The following NRG2 variants were observed in gnomAD, a reference collection of about 807,000 sequenced individuals.
NRG2 encodes neuregulin 2.
NRG2 carries 27 observed loss-of-function variants against 73.9 expected under a neutral mutation model. The observed-to-expected ratio is 0.37, with a 90% confidence interval of 0.27 to 0.50. The LOEUF (loss-of-function observed/expected upper bound fraction) is 0.50. Among genes scored for constraint, NRG2 ranks in the 20% least tolerant of loss-of-function variants. The pLI is 0.96. For missense variants in NRG2, 1,126 were observed against 1,210.1 expected (o/e 0.93, Z 1.03); for synonymous variants, 532 against 541.0 (o/e 0.98, Z 0.23).
chr5:139,934,365 T>C (rs1752693279), intron 1 of NRG2, among the ~76,000 whole-genome samples: 1 of 151,816 alleles, frequency 6.6e-6, no homozygotes, highest in African/African-American at 2.4e-5. Flanking sequence ...GACTAAGCAA[T>C]GGGAAATGGA....
intron 1 of NRG2, among the ~76,000 whole-genome samples, chr5:140,031,056 T>G (rs189733977): frequency 6.6e-6 from 1 of 152,160 alleles, no homozygotes; most frequent in Admixed American, 6.6e-5. Flanking sequence ...CTGGATTTGG[T>G]CCCACCCTCA....
chr5:139,966,413 G>C (rs1755521148), intron 1 of NRG2, among the ~76,000 whole-genome samples: 1 of 152,152 alleles, frequency 6.6e-6, no homozygotes, highest in South Asian at 2.1e-4. Flanking sequence ...CTTTGGTAAG[G>C]AAGGGATATT....
chr5:139,938,552 G>A (rs1344654192), intron 1 of NRG2, among the ~76,000 whole-genome samples: 1 of 151,834 alleles, frequency 6.6e-6, no homozygotes, highest in African/African-American at 2.4e-5. Context: ...TTTTGGTAGA[G>A]ATGAAGTCTC....
At chr5:139,934,764 G>A (rs1752719469) in intron 1 of NRG2, among the ~76,000 whole-genome samples, 1 of 152,176 alleles carries the variant, frequency 6.6e-6, no homozygotes, top group African/African-American at 2.4e-5. Context: ...CCAAAAGAAG[G>A]CTTAAGTGAC....
intron 1 of NRG2, among the ~76,000 whole-genome samples, chr5:139,920,360 G>A (rs17118536): frequency 8.5e-5 from 13 of 152,134 alleles, no homozygotes; most frequent in South Asian, 4.2e-4. Flanking sequence ...GCAGTATGTC[G>A]CCCAAATAAG....
At chr5:139,861,726 C>T (rs539633619) in intron 5 of NRG2, 2 of 516,820 alleles carry the variant, frequency 3.9e-6, no homozygotes, top group East Asian at 5.5e-5. Flanking sequence ...GCTGGTCAGG[C>T]GTGCTGAGTA....
intron 1 of NRG2, among the ~76,000 whole-genome samples, chr5:139,890,235 C>A (rs951178443): frequency 9.9e-5 from 15 of 152,164 alleles, no homozygotes; most frequent in Non-Finnish European, 2.1e-4. Flanking sequence ...ACTGATGAGG[C>A]TGAACATTTT....
In NRG2 at chr5:139,915,415, C is replaced by T. The variant is rs892510912; in HGVS notation, c.701-27904G>A. ...GTTTCCAGCCTCTGTAAGGAAGTGG[C>T]GCCAGCTAAGCTGCCAAGACTTGAC... On this transcript the variant is annotated intron_variant, in intron 1 of 9. Transcript: ENST00000361474. The surrounding 1 kb of genome is among the most constrained non-coding windows in gnomAD (Gnocchi z 4.0). Among the ~76,000 whole-genome samples the T allele has an allele frequency of 3.9e-5, 6 of 152,136 alleles. No homozygotes were observed. The highest frequency in any genetic ancestry group is 1.2e-4 in the African/African-American group (5 of 41,418).
At chr5:139,972,248 C>T (rs1756027933) in intron 1 of NRG2, among the ~76,000 whole-genome samples, 1 of 152,016 alleles carries the variant, frequency 6.6e-6, no homozygotes, top group Non-Finnish European at 1.5e-5. Context: ...GCCTATAATA[C>T]ACAAAAATAA....
chr5:139,907,900 C>T (rs1045855520), intron 1 of NRG2, among the ~76,000 whole-genome samples: 6 of 152,246 alleles, frequency 3.9e-5, no homozygotes, highest in East Asian at 1.9e-4. Flanking sequence ...CAAATACACA[C>T]GGAAAACACT....
At chr5:139,861,898 G>T in intron 5 of NRG2, 2 of 442,684 alleles carry the variant, frequency 4.5e-6, no homozygotes, top group Non-Finnish European at 9.1e-6. Flanking sequence ...ACAACACCTG[G>T]GACGCAAAGA....
At chr5:140,010,923 C>T (rs1759314594) in intron 1 of NRG2, among the ~76,000 whole-genome samples, 1 of 152,234 alleles carries the variant, frequency 6.6e-6, no homozygotes, top group Non-Finnish European at 1.5e-5. Flanking sequence ...CTTCATAAGG[C>T]CTACTGCCTT....
chr5:140,035,380 T>G (rs1442897205), intron 1 of NRG2, among the ~76,000 whole-genome samples: 42 of 152,338 alleles, frequency 2.8e-4, no homozygotes. Context: ...TATTTTACAG[T>G]GTTTATCATA....
intron 1 of NRG2, among the ~76,000 whole-genome samples, chr5:139,955,880 G>A (rs1045477650): frequency 5.3e-5 from 8 of 152,106 alleles, no homozygotes; most frequent in African/African-American, 1.7e-4. Context: ...CAGCCCCATG[G>A]AGCCTGAGAT....
chr5:140,038,362 GAA>G (rs375356436), intron 1 of NRG2, among the ~76,000 whole-genome samples: 1 of 149,838 alleles, frequency 6.7e-6, no homozygotes, highest in Non-Finnish European at 1.5e-5. Context: ...CCTTCCAAAA[GAA>G]AAAAAAATAA....
chr5:139,913,039 G>A (rs1481703291), intron 1 of NRG2, among the ~76,000 whole-genome samples: 2 of 152,110 alleles, frequency 1.3e-5, no homozygotes, highest in Non-Finnish European at 2.9e-5. Flanking sequence ...TGGTTCTCTG[G>A]AAACCTCTAC....
intron 1 of NRG2, among the ~76,000 whole-genome samples, chr5:140,040,897 C>T (rs930072566): frequency 5.3e-5 from 8 of 152,086 alleles, no homozygotes; most frequent in Non-Finnish European, 1.0e-4. Flanking sequence ...AATGTCAGAG[C>T]GATAAACTGC....
chr5:139,897,363 G>T (rs1764612425), intron 1 of NRG2, among the ~76,000 whole-genome samples: 1 of 152,202 alleles, frequency 6.6e-6, no homozygotes, highest in South Asian at 2.1e-4. Flanking sequence ...AACAGAGATA[G>T]CTTAATAACC....
intron 1 of NRG2, among the ~76,000 whole-genome samples, 170 bp downstream of exon 1, chr5:140,042,200 C>T (rs1469532968): frequency 1.3e-5 from 2 of 150,080 alleles, no homozygotes; most frequent in Non-Finnish European, 3.0e-5. Flanking sequence ...TCTCTCCAAC[C>T]CCAACCCCCT....
Sources: allele counts gnomAD v4.1 joint callset (sites outside exome capture counted in the v4.1 genomes callset), GRCh38; gene constraint gnomAD v4.1.1; non-coding constraint Gnocchi (gnomAD v3.1); transcripts MANE v1.5; gene names NCBI Gene and HGNC (gene_info 2026-07-23, HGNC 2026-07-21).